Variants in ATXN10 observed in about 807,000 individuals in gnomAD.
ATXN10 encodes the protein ataxin-10.
Under a neutral mutation model 52.9 loss-of-function variants are expected in ATXN10, and 28 were observed. That is an observed-to-expected ratio of 0.53 (90% CI 0.39 to 0.73). ATXN10 has a LOEUF of 0.73. Among genes scored for constraint, ATXN10 ranks in the 30% least tolerant of loss-of-function variants. ATXN10 has a pLI of 0.00. For missense variants in ATXN10, 565 were observed against 577.0 expected (o/e 0.98, Z 0.21); for synonymous variants, 226 against 221.5 (o/e 1.02, Z -0.18).
rs1925643769 is a variant in ATXN10, at chr22:45,744,182, C to T, written c.1173+3644C>T. 6.6e-6 allele frequency among the ~76,000 whole-genome samples: 1 copy of T among 152,182 alleles called. No individual in the cohort carries two copies. ...TTCTGTGGAGCTTCCATTCTGGCATCATCTGGGGACCATGCTTGCCTCTTT... is the reference window on the plus strand; with the variant it reads ...TTCTGTGGAGCTTCCATTCTGGCATTATCTGGGGACCATGCTTGCCTCTTT... On this transcript the variant is annotated intron_variant, in intron 9 of 11. Transcript: ENST00000252934. The surrounding 1 kb of genome is among the most constrained non-coding windows in gnomAD (Gnocchi z 4.9).
rs765524230 is a variant in ATXN10, at chr22:45,696,724, T to C, written c.392-3558T>C. On this transcript the variant is annotated intron_variant, in intron 3 of 11. Transcript: ENST00000252934. This position sits in a 1 kb window ranked among gnomAD's most constrained non-coding sequence, Gnocchi z 4.7. ...TCTCGTTTTTCTGCTCTATCCCAAA[T>C]GTGCTACAAAAGATGTATTTAGTTT... is the stretch of plus-strand genomic sequence containing the variant. 1.3e-5 allele frequency among the ~76,000 whole-genome samples: 2 copies of C among 152,236 alleles called. No homozygotes were observed. The highest frequency in any genetic ancestry group is 2.9e-5 in the Non-Finnish European group (2 of 68,038).
rs190213223 is a variant in ATXN10, at chr22:45,701,423, C to A, written c.488+1045C>A. Among the ~76,000 whole-genome samples, 93 of 152,306 alleles carry A rather than the reference C, an allele frequency of 6.1e-4. No individual in the cohort carries two copies. The highest frequency in any genetic ancestry group is 6.8e-3 in the Middle Eastern group (2 of 294). On this transcript the variant is annotated intron_variant, in intron 4 of 11. Transcript: ENST00000252934. The surrounding 1 kb of genome is among the most constrained non-coding windows in gnomAD (Gnocchi z 4.2). Reference sequence around the variant, plus strand: ...TGTTGTACAGCTTTCCTGGGCTCCTCTGTGAAGTATAGCGTTAAGATGGGA... The same window carrying A: ...TGTTGTACAGCTTTCCTGGGCTCCTATGTGAAGTATAGCGTTAAGATGGGA...
In ATXN10 at chr22:45,727,725, T is replaced by G. The variant is rs576358907; in HGVS notation, c.729-1700T>G. Among the ~76,000 whole-genome samples the G allele has an allele frequency of 1.3e-5, 2 of 152,288 alleles. No homozygotes were observed. Among genetic ancestry groups the G allele is most frequent in the East Asian group, 3.9e-4 (2 of 5,182 alleles). On this transcript the variant is annotated intron_variant, in intron 6 of 11. Coordinates refer to ENST00000252934, the MANE Select transcript of ATXN10 (RefSeq NM_013236.4). This position sits in a 1 kb window ranked among gnomAD's most constrained non-coding sequence, Gnocchi z 4.6. ...TTTGTGGCCTGCCATGTGGTCTGTC[T>G]TTTCTTAGGTCTAGTAACTGTTTTG...
chr22:45,738,391 A>T (rs1925380763), intron 7 of ATXN10: 1 of 206,686 alleles, frequency 4.8e-6, no homozygotes, highest in Admixed American at 5.4e-5. Context: ...ATTTGCATAA[A>T]TGTCATGTAC....
Position 45,823,843 on chromosome 22 carries a change from A to G in ATXN10, c.1237+16821A>G, listed in dbSNP as rs9626203. Among the ~76,000 whole-genome samples, 1,705 of 152,266 alleles carry G rather than the reference A, an allele frequency of 0.011. 40 individuals are homozygous for G. The highest frequency in any genetic ancestry group is 0.039 in the African/African-American group (1,626 of 41,550). ...CACTGTGTGCTCCCATGAAGGTTTC[A>G]GTATGGTAGGTGGGCACACCCCCTG... On this transcript the variant is annotated intron_variant, in intron 10 of 11. Coordinates refer to ENST00000252934, the MANE Select transcript of ATXN10 (RefSeq NM_013236.4). This position sits in a 1 kb window ranked among gnomAD's most constrained non-coding sequence, Gnocchi z 4.9.
At position 45,828,469 on chromosome 22, in the gene ATXN10, G is replaced by A. The variant is rs1000741351; in HGVS notation, c.1238-14522G>A. ...AATAATAGAGAAAATTATGAAAACAGAAGTTGCTTTTTTAAAGATCAACAA... is the reference window on the plus strand; with the variant it reads ...AATAATAGAGAAAATTATGAAAACAAAAGTTGCTTTTTTAAAGATCAACAA... On this transcript the variant is annotated intron_variant, in intron 10 of 11. Transcript: ENST00000252934. The surrounding 1 kb of genome is among the most constrained non-coding windows in gnomAD (Gnocchi z 4.5). Among the ~76,000 whole-genome samples the A allele has an allele frequency of 3.3e-5, 5 of 152,056 alleles. No homozygotes were observed. The highest frequency in any genetic ancestry group is 1.2e-4 in the African/African-American group (5 of 41,446).
In ATXN10 at chr22:45,728,948, T is replaced by A. The variant is rs546047827; in HGVS notation, c.729-477T>A. The stretch of plus-strand genomic sequence containing the variant: ...GTTTTGTGACACTGGACAAGTTAAT[T>A]AACCTCACCAAGCCTTATTTACCCA... On this transcript the variant is annotated intron_variant, in intron 6 of 11. Transcript: ENST00000252934. The surrounding 1 kb of genome is among the most constrained non-coding windows in gnomAD (Gnocchi z 4.3). 1.3e-5 allele frequency among the ~76,000 whole-genome samples: 2 copies of A among 152,310 alleles called. No individual in the cohort carries two copies. Among genetic ancestry groups the A allele is most frequent in the African/African-American group, 4.8e-5 (2 of 41,566 alleles).
At chr22:45,724,740 G>C (rs886300928) in intron 6 of ATXN10, among the ~76,000 whole-genome samples, 2 of 152,084 alleles carry the variant, frequency 1.3e-5, no homozygotes, top group Non-Finnish European at 2.9e-5. Flanking sequence ...CTTTGCCTTT[G>C]ACAATGTCAT....
At chr22:45,752,228 C>T (rs1230248256) in intron 9 of ATXN10, among the ~76,000 whole-genome samples, 1 of 152,246 alleles carries the variant, frequency 6.6e-6, no homozygotes, top group African/African-American at 2.4e-5. Context: ...GTATTCTAGA[C>T]ACTGGGAATG....
In ATXN10 at chr22:45,708,570, C is replaced by T. The variant is rs1041860000; in HGVS notation, c.647+5723C>T. Among the ~76,000 whole-genome samples, 1 of 152,104 alleles carries T rather than the reference C, an allele frequency of 6.6e-6. No homozygotes were observed. Among genetic ancestry groups the T allele is most frequent in the African/African-American group, 2.4e-5 (1 of 41,408 alleles). ...CCATGTCATGTGTTATGAAAATTAC[C>T]GATTTTCAGAGAGGAGGTCTGCATT... On this transcript the variant is annotated intron_variant, in intron 5 of 11. Transcript: ENST00000252934. This position sits in a 1 kb window ranked among gnomAD's most constrained non-coding sequence, Gnocchi z 5.3.
intron 10 of ATXN10, among the ~76,000 whole-genome samples, chr22:45,813,363 G>A (rs1280679760): frequency 1.1e-4 from 17 of 150,358 alleles, no homozygotes; most frequent in African/African-American, 4.9e-5. Flanking sequence ...TTTTTACTGG[G>A]GGGAGGGTGT....
chr22:45,672,278 G>A, intron 1 of ATXN10, 99 bp downstream of exon 1: 4 of 1,206,080 alleles, frequency 3.3e-6, no homozygotes, highest in Non-Finnish European at 4.1e-6. Context: ...CCGCCTCGCT[G>A]GAGACGCGGA....
chr22:45,738,889 G>A (rs770886384), intron 8 of ATXN10, 50 bp downstream of exon 8: 3 of 1,429,580 alleles, frequency 2.1e-6, no homozygotes, highest in Non-Finnish European at 3.0e-6. Context: ...TCTTTGGCTT[G>A]TCATACTGTA....
intron 1 of ATXN10, chr22:45,675,471 A>G (rs1228831781): frequency 2.0e-5 from 3 of 152,310 alleles, no homozygotes; most frequent in East Asian, 3.8e-4. Context: ...GGTCATAAAA[A>G]GCATCGTAGT....
intron 9 of ATXN10, among the ~76,000 whole-genome samples, chr22:45,748,499 G>A (rs1233333005): frequency 1.3e-5 from 2 of 152,102 alleles, no homozygotes; most frequent in Non-Finnish European, 2.9e-5. Context: ...TGTCATAAAT[G>A]TTTTCTGACT....
At chr22:45,717,547 G>T (rs1260694812) in intron 5 of ATXN10, among the ~76,000 whole-genome samples, 2 of 152,118 alleles carry the variant, frequency 1.3e-5, no homozygotes, top group Non-Finnish European at 2.9e-5. Flanking sequence ...GTGTTGATCA[G>T]CTATTTTAAA....
chr22:45,726,725 T>C (rs532481075), intron 6 of ATXN10, among the ~76,000 whole-genome samples: 2 of 152,352 alleles, frequency 1.3e-5, no homozygotes, highest in East Asian at 3.9e-4. Context: ...TCGTGCTGTG[T>C]CACCTAGGCT....
In ATXN10 at chr22:45,672,001, T is replaced by A; in HGVS notation, c.-63T>A. The A allele has an allele frequency of 6.6e-7, 1 of 1,505,612 alleles. No individual in the cohort carries two copies. 93.3% of individuals were successfully genotyped at this position (1,505,612 alleles called of 1,614,324 possible). ...TCCTACTCCTCCCTCCTCGTCATCC[T>A]CCCCCTTCGTCCTCCTCGCCTTCCT... On this transcript the variant is annotated 5_prime_UTR_variant, in exon 1 of 12. Coordinates refer to ENST00000252934, the MANE Select transcript of ATXN10 (RefSeq NM_013236.4).
At chr22:45,827,780 A>G (rs1011803298) in intron 10 of ATXN10, among the ~76,000 whole-genome samples, 36 of 152,340 alleles carry the variant, frequency 2.4e-4, no homozygotes, top group African/African-American at 3.8e-4. Context: ...ACTAGATCTA[A>G]CAGACATACA....
Sources: gnomAD v4.1 joint callset for allele counts (sites outside exome capture counted in the v4.1 genomes callset) on GRCh38, gnomAD v4.1.1 for gene constraint, Gnocchi (gnomAD v3.1) non-coding constraint, MANE v1.5 for transcripts, NCBI Gene and HGNC (gene_info 2026-07-23, HGNC 2026-07-21) for gene names.